Variants in GLIS1 observed in about 807,000 individuals in gnomAD.
The protein encoded by GLIS1 is zinc finger protein GLIS1.
In GLIS1, 24 loss-of-function variants were observed where a neutral mutation model predicts 63.8. That is an observed-to-expected ratio of 0.38 (90% CI 0.27 to 0.53). The LOEUF is 0.53. GLIS1 is among the 20% of genes least tolerant of loss of function. The probability of loss-of-function intolerance (pLI) is 0.85; values close to 1 mark genes in which losing one functional copy is unlikely to be tolerated. For synonymous variants in GLIS1, 450 were observed against 482.5 expected (o/e 0.93, Z 0.88); for missense variants, 1,036 against 1,074.1 (o/e 0.96, Z 0.50).
chr1:53,676,502 C>G (rs886381484), intron 2 of GLIS1, among the ~76,000 whole-genome samples: 1 of 152,168 alleles, frequency 6.6e-6, no homozygotes, highest in African/African-American at 2.4e-5. Context: ...AGGATCTTTC[C>G]ACCTCCTCAC....
At chr1:53,585,206 G>C (rs992650273) in intron 4 of GLIS1, among the ~76,000 whole-genome samples, 4 of 151,998 alleles carry the variant, frequency 2.6e-5, no homozygotes, top group Non-Finnish European at 4.4e-5. Context: ...TGGGACTAAC[G>C]ACTTCAAAAA....
chr1:53,674,107 G>A (rs1646185635), intron 2 of GLIS1, among the ~76,000 whole-genome samples: 1 of 149,990 alleles, frequency 6.7e-6, no homozygotes, highest in Non-Finnish European at 1.5e-5. Flanking sequence ...GGGAGGCAGA[G>A]GTTGCAGTGA....
At chr1:53,714,221 T>C (rs1646674856) in intron 2 of GLIS1, among the ~76,000 whole-genome samples, 1 of 152,182 alleles carries the variant, frequency 6.6e-6, no homozygotes, top group Non-Finnish European at 1.5e-5. Context: ...ATCTTCTGAG[T>C]CTCAGCTCCT....
intron 2 of GLIS1, among the ~76,000 whole-genome samples, chr1:53,730,665 G>A (rs2100572530): frequency 6.6e-6 from 1 of 152,284 alleles, no homozygotes; most frequent in Admixed American, 6.5e-5. Flanking sequence ...TTCAGACACA[G>A]CGGCACGTAG....
At chr1:53,648,183 T>A (rs1478016690) in intron 2 of GLIS1, among the ~76,000 whole-genome samples, 2 of 151,050 alleles carry the variant, frequency 1.3e-5, no homozygotes, top group South Asian at 2.1e-4. Flanking sequence ...CAAAAAAAAA[T>A]AAAAATTAAA....
At chr1:53,549,766 A>G (rs1001747731) in intron 4 of GLIS1, among the ~76,000 whole-genome samples, 7 of 152,204 alleles carry the variant, frequency 4.6e-5, no homozygotes, top group Non-Finnish European at 1.0e-4. Flanking sequence ...TCCAGGCCCT[A>G]TTTCAAGTGC....
chr1:53,723,679 C>A (rs2100555910), intron 2 of GLIS1, among the ~76,000 whole-genome samples: 1 of 152,122 alleles, frequency 6.6e-6, no homozygotes, highest in East Asian at 1.9e-4. Context: ...AGATTCTGGG[C>A]AAGTATTATT....
chr1:53,554,012 C>T (rs1221904630), intron 4 of GLIS1, among the ~76,000 whole-genome samples: 1 of 152,158 alleles, frequency 6.6e-6, no homozygotes, highest in African/African-American at 2.4e-5. Flanking sequence ...TCCTGGGTGT[C>T]CCTAAATGGA....
intron 2 of GLIS1, among the ~76,000 whole-genome samples, chr1:53,722,226 A>C (rs550051823): frequency 7.9e-5 from 12 of 152,324 alleles, no homozygotes; most frequent in African/African-American, 2.9e-4. Flanking sequence ...ATATGTGTTA[A>C]ATGTTACTAC....
chr1:53,600,588 C>A (rs1169435345), intron 2 of GLIS1, among the ~76,000 whole-genome samples: 2 of 152,168 alleles, frequency 1.3e-5, no homozygotes, highest in Non-Finnish European at 2.9e-5. Flanking sequence ...CACTGGTAAA[C>A]AAGAGAAACT....
At chr1:53,556,036 GGTGTGT>G (rs143953220) in intron 4 of GLIS1, among the ~76,000 whole-genome samples, 54,191 of 115,756 alleles carry the variant, frequency 0.47, 13,426 homozygotes, top group East Asian at 0.73. Context: ...GTGTATTGCA[GGTGTGT>G]GTGTGTGTGT....
chr1:53,510,708 T>C (rs550526374), intron 8 of GLIS1, among the ~76,000 whole-genome samples: 3 of 152,212 alleles, frequency 2.0e-5, no homozygotes, highest in Non-Finnish European at 4.4e-5. Context: ...CCATCAATCA[T>C]CATCATCATT....
chr1:53,657,769 C>T (rs1291809339), intron 2 of GLIS1, among the ~76,000 whole-genome samples: 2 of 152,176 alleles, frequency 1.3e-5, no homozygotes, highest in Admixed American at 1.3e-4. Context: ...ACAAGGGTCA[C>T]CAGGAAGAGC....
In GLIS1 at chr1:53,600,028, G is replaced by A; in HGVS notation, c.437+73C>T. 3 of 846,966 alleles carry A rather than the reference G, an allele frequency of 3.5e-6. No homozygotes were observed. In the African/African-American group the frequency reaches 5.1e-5, roughly 14 times the overall value. 52.5% of individuals were successfully genotyped at this position (846,966 alleles called of 1,614,324 possible). ...CCATGTGTCCCCCCAGCTAAAAAGA[G>A]GAGGTGAGGCCTGAGGCCCATGGTC... On this transcript the variant is annotated intron_variant, in intron 3 of 10. Coordinates refer to ENST00000628545, the MANE Select transcript of GLIS1 (RefSeq NM_001367484.1).
rs868129152 is a variant in GLIS1 at position 53,667,072 on chromosome 1, T to G, written c.260-66794A>C. On this transcript the variant is annotated intron_variant, in intron 2 of 10. Transcript: ENST00000628545. ...TAATTTGAGGTTCAGTTTTTCTTGG[T>G]GAAAATGTTGATAATGTATACTTGC... Among the ~76,000 whole-genome samples, 3 of 152,316 alleles carry G rather than the reference T, an allele frequency of 2.0e-5. 1 individual carries two copies. Among genetic ancestry groups the G allele is most frequent in the Middle Eastern group, 6.8e-3 (2 of 294 alleles).
chr1:53,681,637 T>C (rs1646276367), intron 2 of GLIS1, among the ~76,000 whole-genome samples: 1 of 152,196 alleles, frequency 6.6e-6, no homozygotes, highest in Non-Finnish European at 1.5e-5. Flanking sequence ...CCAGGATGGC[T>C]ATTTCTTTTC....
intron 2 of GLIS1, among the ~76,000 whole-genome samples, chr1:53,634,784 G>T (rs11805604): frequency 0.02 from 3,001 of 152,212 alleles, 122 homozygotes; most frequent in African/African-American, 0.069. Flanking sequence ...GTGGGTGGGG[G>T]TTAATGCCTC....
intron 4 of GLIS1, among the ~76,000 whole-genome samples, chr1:53,534,892 A>AC (rs1485529923): frequency 2.0e-5 from 3 of 151,688 alleles, no homozygotes; most frequent in Non-Finnish European, 4.4e-5. Context: ...GAAGGGGCTG[A>AC]CCCGGGGGCT....
At chr1:53,619,431 C>T (rs1039206746) in intron 2 of GLIS1, among the ~76,000 whole-genome samples, 3 of 152,224 alleles carry the variant, frequency 2.0e-5, no homozygotes, top group African/African-American at 2.4e-5. Flanking sequence ...CACTACAGCC[C>T]TTACCATGGG....
Sources: allele counts gnomAD v4.1 joint callset (sites outside exome capture counted in the v4.1 genomes callset), GRCh38; gene constraint gnomAD v4.1.1; transcripts MANE v1.5; gene names NCBI Gene and HGNC (gene_info 2026-07-23, HGNC 2026-07-21).